Variants in LATS1 observed in about 807,000 individuals in gnomAD.
LATS1 encodes the protein large tumor suppressor kinase 1.
In LATS1, 25 loss-of-function variants were observed where a neutral mutation model predicts 106.6. The observed-to-expected ratio is 0.23, with a 90% CI of 0.17 to 0.33. The LOEUF is 0.33. Ranked by LOEUF, LATS1 falls within the 10% of genes least tolerant of loss-of-function variation. The pLI is 1.00. For synonymous variants in LATS1, 465 were observed against 455.6 expected (o/e 1.02, Z -0.26); for missense variants, 1,040 against 1,382.6 (o/e 0.75, Z 3.93).
Position 149,717,840 on chromosome 6 carries a change from C to T in LATS1, c.-141+9G>A, listed in dbSNP as rs905527327. 6.4e-6 allele frequency: 2 copies of T among 312,986 alleles called. No homozygotes were observed. The highest frequency in any genetic ancestry group is 1.2e-5 in the Non-Finnish European group (2 of 161,812). The allele number at this position is 312,986 out of a possible 1,614,324, so 19.4% of individuals were successfully genotyped here. A position where few individuals can be genotyped will look rare whatever the true frequency, so the allele number is the denominator to read the frequency against. On this transcript the variant is annotated intron_variant, in intron 1 of 7. Coordinates refer to ENST00000543571, the MANE Select transcript of LATS1 (RefSeq NM_004690.4). ...AGGAGCGCACCCGCTACGCCAGCCC[C>T]GGACCTACCTGGAGGGGAGAGCAGA...
Position 149,658,619 on chromosome 6 carries a change from A to G in LATS1, c.*3110T>C, listed in dbSNP as rs1431706719. 1.3e-5 allele frequency: 2 copies of G among 152,224 alleles called. No individual in the cohort carries two copies. The highest frequency in any genetic ancestry group is 2.9e-5 in the Non-Finnish European group (2 of 68,030). 9.4% of individuals were successfully genotyped at this position (152,224 alleles called of 1,614,324 possible). Reference sequence around the variant, plus strand: ...TAAAAATCCTCCCACTGTATTCTCTAATTTCTAACACATTAAGTCAGAATA... The same window carrying G: ...TAAAAATCCTCCCACTGTATTCTCTGATTTCTAACACATTAAGTCAGAATA... On this transcript the variant is annotated 3_prime_UTR_variant, in exon 8 of 8. Coordinates refer to ENST00000543571, the MANE Select transcript of LATS1 (RefSeq NM_004690.4).
At chr6:149,708,329 C>T (rs1783898117) in intron 1 of LATS1, among the ~76,000 whole-genome samples, 1 of 151,108 alleles carries the variant, frequency 6.6e-6, no homozygotes, top group South Asian at 2.1e-4. Flanking sequence ...GCAGGAGAAT[C>T]GCTTGAACCA....
rs1780829319 is a variant in LATS1, at chr6:149,660,029, T to TTCA, written c.*1699_*1700insTGA. On this transcript the variant is annotated 3_prime_UTR_variant, in exon 8 of 8. Coordinates refer to ENST00000543571, the MANE Select transcript of LATS1 (RefSeq NM_004690.4). ...GATGTGCTGAGTAGTGATTGGTAAG[T>TTCA]TAAAAACAAAGTTCTTAGTTTAATG... The TTCA allele has an allele frequency of 2.6e-5, 6 of 232,442 alleles. No individual in the cohort carries two copies. The highest frequency in any genetic ancestry group is 1.3e-4 in the African/African-American group (6 of 45,404). The allele number at this position is 232,442 out of a possible 1,614,324, so 14.4% of individuals were successfully genotyped here. A position where few individuals can be genotyped will look rare whatever the true frequency, so the allele number is the denominator to read the frequency against.
intron 1 of LATS1, among the ~76,000 whole-genome samples, chr6:149,711,898 G>A (rs1430934095): frequency 6.6e-6 from 1 of 152,136 alleles, no homozygotes; most frequent in East Asian, 1.9e-4. Context: ...GCTTACTGTG[G>A]CCCTTGTGTA....
chr6:149,671,258 C>CA (rs1400619139), intron 7 of LATS1, among the ~76,000 whole-genome samples: 2 of 151,770 alleles, frequency 1.3e-5, no homozygotes, highest in Non-Finnish European at 2.9e-5. Context: ...CTCAGGCTCC[C>CA]AAGTAGCTGG....
At position 149,676,696 on chromosome 6, in the gene LATS1, A is replaced by C. The variant is rs1582860685; in HGVS notation, c.2635T>G (p.Trp879Gly). 6.2e-7 allele frequency: 1 copy of C among 1,614,042 alleles called. No homozygotes were observed. The highest frequency in any genetic ancestry group is 8.5e-7 in the Non-Finnish European group (1 of 1,179,952). ...RQDSMDFSNE[W>G]GDPSSCRCGD... ...CATCGACAGCTTGAGGGATCCCCCC[A>C]TTCATTACTGAAATCCATGCTATCT... The change falls in exon 6 of 8, where the codon TGG becomes GGG. Residue 879 changes from tryptophan to glycine, a missense_variant. Physicochemically the swap from Trp to Gly is radical, Grantham distance 184. This residue lies in a region of LATS1 where 63 missense variants were observed against 64.3 expected (regional missense o/e 0.98). Transcript: ENST00000543571.
intron 7 of LATS1, among the ~76,000 whole-genome samples, chr6:149,664,325 T>G (rs764952457): frequency 7.5e-6 from 1 of 133,692 alleles, no homozygotes; most frequent in Non-Finnish European, 1.5e-5. Flanking sequence ...GTATAATCAT[T>G]AGAGTCTCAA....
chr6:149,695,908 A>G (rs1582901475), intron 2 of LATS1, among the ~76,000 whole-genome samples: 1 of 150,394 alleles, frequency 6.6e-6, no homozygotes, highest in Non-Finnish European at 1.5e-5. Flanking sequence ...AATTCTTTTT[A>G]CTTTTTTTTT....
intron 5 of LATS1, among the ~76,000 whole-genome samples, chr6:149,678,830 G>A (rs1318249975): frequency 6.6e-6 from 1 of 152,040 alleles, no homozygotes; most frequent in East Asian, 1.9e-4. Flanking sequence ...CATCTAACTA[G>A]GTCTCAGTTT....
At chr6:149,712,460 G>T (rs1447823210) in intron 1 of LATS1, among the ~76,000 whole-genome samples, 1 of 152,144 alleles carries the variant, frequency 6.6e-6, no homozygotes. Context: ...GCCTCCCAAA[G>T]TGCTGGGATT....
chr6:149,662,525 T>C (rs772649617), intron 7 of LATS1, among the ~76,000 whole-genome samples: 8 of 152,198 alleles, frequency 5.3e-5, no homozygotes, highest in African/African-American at 1.9e-4. Context: ...ATTTCTATCA[T>C]ATTTCTAATA....
chr6:149,678,181 A>C (rs1223711732), intron 5 of LATS1, among the ~76,000 whole-genome samples: 7 of 147,914 alleles, frequency 4.7e-5, no homozygotes, highest in Admixed American at 1.4e-4. Context: ...AAAAAAAAAA[A>C]AAAAAAAAAA....
chr6:149,668,808 AG>A (rs1781298686), intron 7 of LATS1, among the ~76,000 whole-genome samples: 1 of 151,690 alleles, frequency 6.6e-6, no homozygotes, highest in Admixed American at 6.6e-5. Flanking sequence ...TTGTTGGATG[AG>A]GTAGGTTTTG....
At chr6:149,686,291 A>G (rs1362221415) in intron 3 of LATS1, among the ~76,000 whole-genome samples, 1 of 152,224 alleles carries the variant, frequency 6.6e-6, no homozygotes, top group Non-Finnish European at 1.5e-5. Flanking sequence ...TTTGGGGAAC[A>G]TTATCATTCC....
chr6:149,665,246 A>G (rs1781080686), intron 7 of LATS1, among the ~76,000 whole-genome samples: 2 of 152,178 alleles, frequency 1.3e-5, no homozygotes, highest in African/African-American at 2.4e-5. Context: ...CTGTAATCCC[A>G]GCTACTCCGG....
chr6:149,692,462 T>TAA (rs1489098491), intron 3 of LATS1, among the ~76,000 whole-genome samples: 1 of 152,168 alleles, frequency 6.6e-6, no homozygotes, highest in Non-Finnish European at 1.5e-5. Context: ...CAGTACCATG[T>TAA]AACTCTCCTC....
At chr6:149,677,426 G>A (rs541609571) in intron 5 of LATS1, among the ~76,000 whole-genome samples, 1 of 152,316 alleles carries the variant, frequency 6.6e-6, no homozygotes, top group African/African-American at 2.4e-5. Context: ...TAAGAAATGC[G>A]GCAGGAATAC....
At chr6:149,669,635 C>T (rs1781341357) in intron 7 of LATS1, among the ~76,000 whole-genome samples, 1 of 151,762 alleles carries the variant, frequency 6.6e-6, no homozygotes, top group Non-Finnish European at 1.5e-5. Context: ...ATGGCATGTG[C>T]CTGTAATCCA....
At chr6:149,668,443 AT>A (rs199871796) in intron 7 of LATS1, among the ~76,000 whole-genome samples, 218 of 145,916 alleles carry the variant, frequency 1.5e-3, no homozygotes, top group Non-Finnish European at 1.4e-3. Flanking sequence ...TCTCATCTTG[AT>A]TTTTTTTTTT....
Sources: gnomAD v4.1 joint callset for allele counts (sites outside exome capture counted in the v4.1 genomes callset) on GRCh38, gnomAD v4.1.1 for gene constraint, gnomAD v4.1.1 regional missense constraint, MANE v1.5 for transcripts, NCBI Gene and HGNC (gene_info 2026-07-23, HGNC 2026-07-21) for gene names.